The following TPP2 variants were observed in gnomAD, a reference collection of about 807,000 sequenced individuals.
TPP2 encodes tripeptidyl peptidase 2.
A neutral mutation model predicts 155.9 loss-of-function variants in TPP2; 34 were observed. That is an observed-to-expected ratio of 0.22 (90% CI 0.17 to 0.29). TPP2 has a LOEUF of 0.29. Ranked by LOEUF, TPP2 falls within the 10% of genes least tolerant of loss-of-function variation. The pLI is 1.00. For missense variants in TPP2, 1,028 were observed against 1,522.3 expected, an observed-to-expected ratio of 0.68 and a Z score of 5.40; for synonymous variants, 510 against 529.4, an observed-to-expected ratio of 0.96 and a Z score of 0.50.
intron 11 of TPP2, among the ~76,000 whole-genome samples, chr13:102,634,774 C>T (rs183189393): frequency 1.2e-4 from 19 of 152,328 alleles, no homozygotes; most frequent in Non-Finnish European, 2.6e-4. Flanking sequence ...GTTGAGCCCA[C>T]ACTCTTAGGA....
chr13:102,618,904 A>G lies in TPP2; in HGVS notation c.620+58A>G. On this transcript the variant is annotated intron_variant, in intron 5 of 29. Coordinates refer to ENST00000376052, the MANE Select transcript of TPP2 (RefSeq NM_001330588.2). ...ACAAATGTTTTCTTTTCTACTCTGA[A>G]AAACATTAAATGCTCAGAGCTGCAC... 1.9e-6 allele frequency: 3 copies of G among 1,555,366 alleles called. No homozygotes were observed. The South Asian group carries it at 3.7e-5, about 19-fold the overall frequency.
intron 1 of TPP2, among the ~76,000 whole-genome samples, 193 bp from the exon 2 acceptor site, chr13:102,604,600 G>A (rs1448861507): frequency 6.6e-6 from 1 of 152,162 alleles, no homozygotes; most frequent in Admixed American, 6.5e-5. Context: ...ACGACTTGAA[G>A]GATTCTGTAG....
chr13:102,656,988 G>A, intron 24 of TPP2, 68 bp from the exon 25 acceptor site: 1 of 1,491,934 alleles, frequency 6.7e-7, no homozygotes, highest in Admixed American at 2.3e-5. Context: ...ACATGTAGCT[G>A]TTGAAGATGA....
intron 20 of TPP2, among the ~76,000 whole-genome samples, chr13:102,646,909 T>C (rs1008181157): frequency 1.3e-5 from 2 of 152,194 alleles, no homozygotes; most frequent in Admixed American, 1.3e-4. Flanking sequence ...GGGAAATGGA[T>C]TGGTTTCAGT....
chr13:102,655,748 C>CGG (rs574608357), intron 24 of TPP2, among the ~76,000 whole-genome samples: 1 of 152,030 alleles, frequency 6.6e-6, no homozygotes, highest in Non-Finnish European at 1.5e-5. Flanking sequence ...TGTTCTTGTC[C>CGG]GGGGGGGTCA....
rs919157131 is a variant in TPP2, at chr13:102,638,102, T to A, written c.1837-137T>A. 9 of 725,830 alleles carry A rather than the reference T, an allele frequency of 1.2e-5. No homozygotes were observed. In the African/African-American group the frequency reaches 1.4e-4, roughly 11 times the overall value. 45.0% of individuals were successfully genotyped at this position (725,830 alleles called of 1,614,324 possible). ...TTGCTATTAATTATGTGACCTAGTG[T>A]CAGGAAATTGGTGTCAACCTCTGGT... On this transcript the variant is annotated intron_variant, in intron 14 of 29. Coordinates refer to ENST00000376052, the MANE Select transcript of TPP2 (RefSeq NM_001330588.2).
chr13:102,661,422 T>C (rs946226757), intron 25 of TPP2, among the ~76,000 whole-genome samples: 1 of 151,852 alleles, frequency 6.6e-6, no homozygotes, highest in Non-Finnish European at 1.5e-5. Context: ...AGCTTATTTT[T>C]TTAAGGGATG....
At chr13:102,625,164 C>CTTTTTT (rs71125084) in intron 6 of TPP2, among the ~76,000 whole-genome samples, 2 of 73,484 alleles carry the variant, frequency 2.7e-5, no homozygotes, top group Admixed American at 1.7e-4. Flanking sequence ...GGCCACTTAA[C>CTTTTTT]TTTTTTTTTT....
chr13:102,649,547 TA>T (rs1883356555), intron 23 of TPP2, 61 bp downstream of exon 23: 1 of 1,404,142 alleles, frequency 7.1e-7, no homozygotes, highest in Non-Finnish European at 9.9e-7. Flanking sequence ...TCTTTAAAGA[TA>T]AGAATTAATT....
chr13:102,674,905 C>G (rs1017078213), intron 28 of TPP2, among the ~76,000 whole-genome samples: 5 of 152,238 alleles, frequency 3.3e-5, no homozygotes, highest in Middle Eastern at 3.4e-3. Flanking sequence ...CCTCAAAACT[C>G]TTGAATTTCT....
intron 16 of TPP2, among the ~76,000 whole-genome samples, chr13:102,642,675 G>A (rs941016835): frequency 6.6e-6 from 1 of 152,068 alleles, no homozygotes; most frequent in Non-Finnish European, 1.5e-5. Flanking sequence ...CTGGCATTGC[G>A]GTGATCTTGG....
chr13:102,667,851 C>T (rs923572079), intron 27 of TPP2: 44 of 984,054 alleles, frequency 4.5e-5, no homozygotes, highest in East Asian at 3.4e-4. Flanking sequence ...AGACTCTGGC[C>T]GAGCGACGGA....
intron 20 of TPP2, among the ~76,000 whole-genome samples, chr13:102,646,751 CAG>C (rs1178762540): frequency 6.6e-6 from 1 of 152,122 alleles, no homozygotes; most frequent in South Asian, 2.1e-4. Context: ...GGCACTGGAA[CAG>C]GGAAAGGTCA....
intron 25 of TPP2, among the ~76,000 whole-genome samples, chr13:102,662,594 C>T (rs996948737): frequency 2.0e-5 from 3 of 151,782 alleles, no homozygotes; most frequent in Admixed American, 6.6e-5. Flanking sequence ...TAATTGTTAG[C>T]GAAAAGAGAA....
At chr13:102,630,833 T>C (rs1162956144) in intron 10 of TPP2, among the ~76,000 whole-genome samples, 1 of 152,250 alleles carries the variant, frequency 6.6e-6, no homozygotes, top group Admixed American at 6.5e-5. Context: ...AAGCCTATTT[T>C]AATTCATCTG....
intron 1 of TPP2, among the ~76,000 whole-genome samples, chr13:102,598,685 T>G (rs1328619103): frequency 6.6e-6 from 1 of 152,214 alleles, no homozygotes; most frequent in Non-Finnish European, 1.5e-5. Context: ...CTGGGATAAG[T>G]GGTTCACCGG....
chr13:102,614,454 T>A (rs1269285182), intron 3 of TPP2, among the ~76,000 whole-genome samples: 1 of 152,182 alleles, frequency 6.6e-6, no homozygotes, highest in East Asian at 1.9e-4. Flanking sequence ...TATTCAGATT[T>A]TTGTGTTTTT....
At position 102,679,509 on chromosome 13, in the gene TPP2, C is replaced by T. The variant is rs1003430426; in HGVS notation, c.*1193C>T. On this transcript the variant is annotated 3_prime_UTR_variant, in exon 30 of 30. Transcript: ENST00000376052. ...TATCTTGTTCTCTTAAGATTTACTGCTGCTTAAAATTACTACCAGTAATCC... is the reference window on the plus strand; with the variant it reads ...TATCTTGTTCTCTTAAGATTTACTGTTGCTTAAAATTACTACCAGTAATCC... 1 of 152,198 alleles carries T rather than the reference C, an allele frequency of 6.6e-6. No individual in the cohort carries two copies. The highest frequency in any genetic ancestry group is 2.4e-5 in the African/African-American group (1 of 41,446). 9.4% of individuals were successfully genotyped at this position (152,198 alleles called of 1,614,324 possible).
intron 24 of TPP2, among the ~76,000 whole-genome samples, chr13:102,656,657 G>C (rs1251115287): frequency 1.3e-5 from 2 of 152,232 alleles, no homozygotes; most frequent in African/African-American, 4.8e-5. Flanking sequence ...TTGAATGAAG[G>C]CATAAGCGTC....
Sources: allele counts gnomAD v4.1 joint callset (sites outside exome capture counted in the v4.1 genomes callset), GRCh38; gene constraint gnomAD v4.1.1; transcripts MANE v1.5; gene names NCBI Gene and HGNC (gene_info 2026-07-23, HGNC 2026-07-21).